AGMO: variants seen among roughly 807,000 people sequenced by gnomAD.
AGMO encodes alkylglycerol monooxygenase, also known as glyceryl-ether monooxygenase.
In AGMO, 75 loss-of-function variants were observed where a neutral mutation model predicts 60.2. The ratio of observed to expected loss-of-function variants is 1.25; its 90% CI spans 1.03 to 1.51. The LOEUF is 1.51. AGMO is among the 40% of genes most tolerant of loss of function. The pLI, the probability that AGMO is intolerant of heterozygous loss-of-function variation, is 0.00. For missense variants in AGMO, 763 were observed against 525.5 expected (o/e 1.45, Z -4.42); for synonymous variants, 261 against 177.1 (o/e 1.47, Z -3.76).
intron 10 of AGMO, among the ~76,000 whole-genome samples, chr7:15,374,470 T>C (rs531357288): frequency 7.9e-4 from 120 of 152,266 alleles, no homozygotes; most frequent in African/African-American, 2.6e-3. Context: ...AAGATTACAT[T>C]GTATTTTATA....
chr7:15,386,479 G>C (rs764704982), intron 9 of AGMO, among the ~76,000 whole-genome samples: 1 of 152,100 alleles, frequency 6.6e-6, no homozygotes, highest in African/African-American at 2.4e-5. Flanking sequence ...TTTTGGAGTT[G>C]AAATATAAAA....
the AGMO span, among the ~76,000 whole-genome samples, chr7:15,129,490 C>T: frequency 1.3e-5 from 2 of 152,020 alleles, no homozygotes; most frequent in African/African-American, 4.8e-5. Context: ...CTCATTCTGA[C>T]CAATTTAGTA....
chr7:15,379,848 G>T (rs530896654), intron 10 of AGMO, among the ~76,000 whole-genome samples: 1 of 152,010 alleles, frequency 6.6e-6, no homozygotes, highest in Non-Finnish European at 1.5e-5. Context: ...GTGCAAGGTT[G>T]GTTCAACATA....
At chr7:15,172,044 T>A in the AGMO span, among the ~76,000 whole-genome samples, 1 of 152,210 alleles carries the variant, frequency 6.6e-6, no homozygotes, top group Non-Finnish European at 1.5e-5. Context: ...GTGCTCTTTT[T>A]TTTTAGATTC....
At chr7:15,499,533 C>T (rs1783322203) in intron 3 of AGMO, among the ~76,000 whole-genome samples, 1 of 151,838 alleles carries the variant, frequency 6.6e-6, no homozygotes, top group Non-Finnish European at 1.5e-5. Flanking sequence ...CTGGCACTCT[C>T]ATGCAATGTT....
At chr7:15,401,722 A>T (rs1452986478) in intron 5 of AGMO, among the ~76,000 whole-genome samples, 2 of 152,130 alleles carry the variant, frequency 1.3e-5, no homozygotes, top group African/African-American at 4.8e-5. Context: ...AATATTTATG[A>T]TTCTTGTCTG....
At chr7:15,540,001 C>A (rs1583665021) in intron 3 of AGMO, among the ~76,000 whole-genome samples, 1 of 151,936 alleles carries the variant, frequency 6.6e-6, no homozygotes, top group East Asian at 1.9e-4. Flanking sequence ...ACATTAGTAA[C>A]TTGAATAAGG....
At chr7:15,216,334 T>A (rs1294223444) in intron 12 of AGMO, among the ~76,000 whole-genome samples, 1 of 152,122 alleles carries the variant, frequency 6.6e-6, no homozygotes, top group Non-Finnish European at 1.5e-5. Context: ...GGGGAATTGT[T>A]AATGGGCGTT....
intron 3 of AGMO, among the ~76,000 whole-genome samples, chr7:15,502,065 C>T (rs562874638): frequency 4.6e-5 from 7 of 152,166 alleles, no homozygotes; most frequent in African/African-American, 1.7e-4. Flanking sequence ...TTTTGGATGA[C>T]AATTATCCTG....
intron 12 of AGMO, among the ~76,000 whole-genome samples, chr7:15,306,748 G>T (rs1780626532): frequency 6.6e-6 from 1 of 151,980 alleles, no homozygotes; most frequent in African/African-American, 2.4e-5. Flanking sequence ...CTTATAGGCT[G>T]AGGAATATGT....
Position 15,322,681 on chromosome 7 carries a change from T to C in AGMO, c.1263+42833A>G, listed in dbSNP as rs1325990218. ...ATATAAATATATATAAATATATGTATATATAAATATATGAATATGTATAAA... is the reference window on the plus strand; with the variant it reads ...ATATAAATATATATAAATATATGTACATATAAATATATGAATATGTATAAA... On this transcript the variant is annotated intron_variant, in intron 12 of 12. Coordinates refer to ENST00000342526, the MANE Select transcript of AGMO (RefSeq NM_001004320.2). Among the ~76,000 whole-genome samples, 9 of 84,906 alleles carry C rather than the reference T, an allele frequency of 1.1e-4. 1 individual carries two copies. Among genetic ancestry groups the C allele is most frequent in the Non-Finnish European group, 1.2e-4 (6 of 50,904 alleles). 55.7% of individuals were successfully genotyped at this position (84,906 alleles called of 152,430 possible).
rs151055432 is a variant in AGMO, at chr7:15,349,952, T to C, written c.1263+15562A>G. On this transcript the variant is annotated intron_variant, in intron 12 of 12. Transcript: ENST00000342526. ...ACTAAAATTCAGGATGAGACTTGGGTGGGGACACAGCCAAATCATATCAAA... is the reference window on the plus strand; with the variant it reads ...ACTAAAATTCAGGATGAGACTTGGGCGGGGACACAGCCAAATCATATCAAA... Among the ~76,000 whole-genome samples, 22 of 152,242 alleles carry C rather than the reference T, an allele frequency of 1.4e-4. No homozygotes were observed. In the East Asian group the frequency reaches 3.9e-3, roughly 27 times the overall value.
Position 15,201,310 on chromosome 7 carries a change from T to C in AGMO, c.1313A>G (p.Gln438Arg), listed in dbSNP as rs1286989897. 6.2e-7 allele frequency: 1 copy of C among 1,612,574 alleles called. No individual in the cohort carries two copies. Among genetic ancestry groups the C allele is most frequent in the Non-Finnish European group, 8.5e-7 (1 of 1,179,330 alleles). Reference protein sequence around the residue: ...IAFWGVRSMKQLTSHPWK With the variant: ...IAFWGVRSMKRLTSHPWK ...TTATTTCCAAGGGTGAGAGGTGAGT[T>C]GTTTCATGCTTCTAACTCCCCAGAA... The change falls in exon 13 of 13, where the codon CAA (glutamine) becomes CGA (arginine). Residue 438 changes from glutamine to arginine, a missense_variant. Physicochemically the swap from Gln to Arg is conservative, Grantham distance 43. Coordinates refer to ENST00000342526, the MANE Select transcript of AGMO (RefSeq NM_001004320.2).
intron 3 of AGMO, among the ~76,000 whole-genome samples, chr7:15,462,829 G>C (rs1782181052): frequency 6.6e-6 from 1 of 152,106 alleles, no homozygotes; most frequent in African/African-American, 2.4e-5. Context: ...AGAAAAATGA[G>C]TCAGTGAACA....
the AGMO span, among the ~76,000 whole-genome samples, chr7:15,178,863 T>C: frequency 2.0e-4 from 30 of 152,158 alleles, no homozygotes; most frequent in Admixed American, 3.3e-4. Flanking sequence ...TTCAAGACCA[T>C]GGCATGAACA....
chr7:15,280,659 C>G (rs865801963), intron 12 of AGMO, among the ~76,000 whole-genome samples: 9 of 152,212 alleles, frequency 5.9e-5, no homozygotes, highest in African/African-American at 2.2e-4. Context: ...CAAATGCCAC[C>G]TCTTGGCTGG....
At chr7:15,385,585 C>T in intron 9 of AGMO, 23 bp from the exon 10 acceptor site, 1 of 1,319,794 alleles carries the variant, frequency 7.6e-7, no homozygotes, top group Non-Finnish European at 1.1e-6. Context: ...GAACCATTTC[C>T]TTTATATTGC....
rs185168030 is a variant in AGMO at position 15,248,247 on chromosome 7, A to T, written c.1264-46888T>A. ...ATATCTTCATCTTCAATTCTAGTCT[A>T]AAAATAATTATTTTCTTTCTTTCTG... On this transcript the variant is annotated intron_variant, in intron 12 of 12. Coordinates refer to ENST00000342526, the MANE Select transcript of AGMO (RefSeq NM_001004320.2). 4.5e-4 allele frequency among the ~76,000 whole-genome samples: 51 copies of T among 113,490 alleles called. 2 individuals are homozygous for T. In the East Asian group the frequency reaches 0.013, roughly 29 times the overall value. The allele number at this position is 113,490 out of a possible 152,430, so 74.5% of individuals were successfully genotyped here. A position where few individuals can be genotyped will look rare whatever the true frequency, so the allele number is the denominator to read the frequency against.
At chr7:15,168,051 G>A in the AGMO span, among the ~76,000 whole-genome samples, 1 of 152,092 alleles carries the variant, frequency 6.6e-6, no homozygotes, top group African/African-American at 2.4e-5. Context: ...CAAGCTCACG[G>A]GCCTTAAATG....
Sources: allele counts gnomAD v4.1 joint callset (sites outside exome capture counted in the v4.1 genomes callset), GRCh38; gene constraint gnomAD v4.1.1; transcripts MANE v1.5; gene names NCBI Gene and HGNC (gene_info 2026-07-23, HGNC 2026-07-21).